ZNF471: variants seen among roughly 807,000 people sequenced by gnomAD.
ZNF471 encodes the protein EZFIT-related protein 1.
In ZNF471, 7 loss-of-function variants were observed where a neutral mutation model predicts 13.7. The observed-to-expected ratio is 0.51, with a 90% CI of 0.29 to 0.96. The LOEUF is 0.96. ZNF471 is among the 40% of genes least tolerant of loss of function. The pLI, the probability that ZNF471 is intolerant of heterozygous loss-of-function variation, is 0.08. For missense variants in ZNF471, 663 were observed against 743.3 expected (o/e 0.89, Z 1.26); for synonymous variants, 218 against 235.6 (o/e 0.93, Z 0.68).
chr19:56,526,207 C>CA lies in ZNF471; in HGVS notation c.*260dup. 1 of 375,472 alleles carries CA rather than the reference C, an allele frequency of 2.7e-6. No homozygotes were observed. Among genetic ancestry groups the CA allele is most frequent in the Non-Finnish European group, 4.7e-6 (1 of 210,742 alleles). The allele number at this position is 375,472 out of a possible 1,614,324, so 23.3% of individuals were successfully genotyped here. ...GACTGGTTAGACAGTGGGTGCAGCC[C>CA]ACGGAGGGTGAGCTGAAGCAGGGTG... On this transcript the variant is annotated 3_prime_UTR_variant, in exon 5 of 5. Coordinates refer to ENST00000308031, the MANE Select transcript of ZNF471 (RefSeq NM_020813.4).
Position 56,514,551 on chromosome 19 carries a change from G to A in ZNF471, c.34-1724G>A, listed in dbSNP as rs575403862. Among the ~76,000 whole-genome samples the A allele has an allele frequency of 5.9e-5, 9 of 152,276 alleles. No individual in the cohort carries two copies. The South Asian group carries it at 1.9e-3, about 32-fold the overall frequency. ...GGAATACTCAGTTATTTTGTAGAATGTCTCAAATCTGATGCTTTTTCATGA... is the reference window on the plus strand; with the variant it reads ...GGAATACTCAGTTATTTTGTAGAATATCTCAAATCTGATGCTTTTTCATGA... On this transcript the variant is annotated intron_variant, in intron 2 of 4. Transcript: ENST00000308031.
Position 56,509,240 on chromosome 19 carries a change from T to A in ZNF471, c.-56+1320T>A, listed in dbSNP as rs73068048. Among the ~76,000 whole-genome samples, 1,262 of 152,252 alleles carry A rather than the reference T, an allele frequency of 8.3e-3. 10 individuals are homozygous for A. Among genetic ancestry groups the A allele is most frequent in the South Asian group, 0.034 (162 of 4,822 alleles). ...TAAACTGATCATCAGTGGTCAGTGA[T>A]TTAACCAGTCATGCCTACATTATGA... On this transcript the variant is annotated intron_variant, in intron 1 of 4. Coordinates refer to ENST00000308031, the MANE Select transcript of ZNF471 (RefSeq NM_020813.4).
intron 4 of ZNF471, among the ~76,000 whole-genome samples, chr19:56,519,355 G>C (rs946812739): frequency 1.3e-5 from 2 of 152,130 alleles, no homozygotes; most frequent in African/African-American, 4.8e-5. Context: ...TCTACCCAGA[G>C]TGTTCCTCTC....
rs1308125085 is a variant in ZNF471 at position 56,508,118 on chromosome 19, CGGGGCGGCTT to C, written c.-56+207_-56+216del. ...CCGCGGCTCGGGGCTGCTGGGCGTTCGGGGCGGCTTGGGGCGGCGGGACCACTGGAGTGAG... is the reference window on the plus strand; with the variant it reads ...CCGCGGCTCGGGGCTGCTGGGCGTTCGGGGCGGCGGGACCACTGGAGTGAG... On this transcript the variant is annotated intron_variant, in intron 1 of 4. Transcript: ENST00000308031. This position sits in a 1 kb window ranked among gnomAD's most constrained non-coding sequence, Gnocchi z 4.7. The C allele has an allele frequency of 5.2e-5, 51 of 985,316 alleles. No homozygotes were observed. Among genetic ancestry groups the C allele is most frequent in the East Asian group, 1.1e-4 (1 of 8,802 alleles). 61.0% of individuals were successfully genotyped at this position (985,316 alleles called of 1,614,324 possible).
Position 56,524,270 on chromosome 19 carries a change from C to T in ZNF471, c.257-54C>T, listed in dbSNP as rs2044012947. On this transcript the variant is annotated intron_variant, in intron 4 of 4. Coordinates refer to ENST00000308031, the MANE Select transcript of ZNF471 (RefSeq NM_020813.4). This position sits in a 1 kb window ranked among gnomAD's most constrained non-coding sequence, Gnocchi z 4.8. ...TAAATTACCTTTTTCACAATGTCTC[C>T]TTTGTTGTAGCCCATGATAAAGGGA... is the stretch of plus-strand genomic sequence containing the variant. The T allele has an allele frequency of 8.9e-6, 11 of 1,233,178 alleles. No homozygotes were observed. Among genetic ancestry groups the T allele is most frequent in the Non-Finnish European group, 1.2e-5 (11 of 896,322 alleles). 76.4% of individuals were successfully genotyped at this position (1,233,178 alleles called of 1,614,324 possible). A position where few individuals can be genotyped will look rare whatever the true frequency, so the allele number is the denominator to read the frequency against.
chr19:56,512,769 C>T (rs781675763), intron 2 of ZNF471, among the ~76,000 whole-genome samples: 2 of 152,002 alleles, frequency 1.3e-5, no homozygotes, highest in Admixed American at 6.6e-5. Context: ...GTGAAATTCC[C>T]CTCCTCACAT....
In ZNF471 at chr19:56,524,822, A is replaced by T. The variant is rs1568476241; in HGVS notation, c.755A>T (p.His252Leu). Residue 252 changes from histidine to leucine, a missense_variant, in exon 5 of 5, where the codon CAT becomes CTT. Physicochemically the swap from His to Leu is moderately conservative, Grantham distance 99 (BLOSUM62 -3). Coordinates refer to ENST00000308031, the MANE Select transcript of ZNF471 (RefSeq NM_020813.4). This position sits in a 1 kb window ranked among gnomAD's most constrained non-coding sequence, Gnocchi z 4.8. ...AFKQRQHLAQ[H>L]HRTHTGEKLF... ...AAGCAAAGGCAACACCTTGCTCAAC[A>T]TCACAGAACACATACTGGAGAGAAA... The T allele has an allele frequency of 6.2e-7, 1 of 1,612,862 alleles. No homozygotes were observed. The highest frequency in any genetic ancestry group is 8.5e-7 in the Non-Finnish European group (1 of 1,179,568).
At chr19:56,511,280 T>C (rs1427241300) in intron 1 of ZNF471, among the ~76,000 whole-genome samples, 2 of 151,764 alleles carry the variant, frequency 1.3e-5, no homozygotes, top group African/African-American at 4.8e-5. Context: ...ATCTAATCTA[T>C]GCAGAGTACC....
In ZNF471 at chr19:56,508,966, T is replaced by C. The variant is rs190146370; in HGVS notation, c.-56+1046T>C. 3.9e-4 allele frequency among the ~76,000 whole-genome samples: 60 copies of C among 152,304 alleles called. 1 individual carries two copies. The Middle Eastern group carries it at 0.014, about 35-fold the overall frequency. On this transcript the variant is annotated intron_variant, in intron 1 of 4. Coordinates refer to ENST00000308031, the MANE Select transcript of ZNF471 (RefSeq NM_020813.4). The surrounding 1 kb of genome is among the most constrained non-coding windows in gnomAD (Gnocchi z 4.7). ...AGAGTGAGACTAGGTTATGTTGTTATGAGTTTGTGAGAGAGAGGGAGGCGA... is the reference window on the plus strand; with the variant it reads ...AGAGTGAGACTAGGTTATGTTGTTACGAGTTTGTGAGAGAGAGGGAGGCGA...
Position 56,524,287 on chromosome 19 carries a change from A to G in ZNF471, c.257-37A>G. The G allele has an allele frequency of 7.2e-7, 1 of 1,396,654 alleles. No homozygotes were observed. Among genetic ancestry groups the G allele is most frequent in the Middle Eastern group, 1.9e-4 (1 of 5,386 alleles). 86.5% of individuals were successfully genotyped at this position (1,396,654 alleles called of 1,614,324 possible). On this transcript the variant is annotated intron_variant, in intron 4 of 4. Coordinates refer to ENST00000308031, the MANE Select transcript of ZNF471 (RefSeq NM_020813.4). This position sits in a 1 kb window ranked among gnomAD's most constrained non-coding sequence, Gnocchi z 4.8. ...AATGTCTCCTTTGTTGTAGCCCATG[A>G]TAAAGGGAACATTCACTTTTTTTTA...
At chr19:56,519,198 G>A (rs2043935514) in intron 4 of ZNF471, among the ~76,000 whole-genome samples, 1 of 152,122 alleles carries the variant, frequency 6.6e-6, no homozygotes, top group Non-Finnish European at 1.5e-5. Flanking sequence ...GGCTCCAGAG[G>A]TAATTCCAAA....
In ZNF471 at chr19:56,516,258, T is replaced by C. The variant is rs1186184824; in HGVS notation, c.34-17T>C. On this transcript the variant is annotated splice_polypyrimidine_tract_variant and intron_variant, in intron 2 of 4. Transcript: ENST00000308031. This position sits in a 1 kb window ranked among gnomAD's most constrained non-coding sequence, Gnocchi z 4.4. ...GACACGAGCATTGGTTGGTTAAGAA[T>C]ATATTTGTCACTTCAGGACTTAGTG... 1 of 1,611,764 alleles carries C rather than the reference T, an allele frequency of 6.2e-7. No homozygotes were observed. The highest frequency in any genetic ancestry group is 8.5e-7 in the Non-Finnish European group (1 of 1,178,602).
At chr19:56,509,056 G>A (rs1027589119) in intron 1 of ZNF471, among the ~76,000 whole-genome samples, 8 of 152,198 alleles carry the variant, frequency 5.3e-5, no homozygotes, top group Non-Finnish European at 1.0e-4. Context: ...AATCTCCAAA[G>A]TATTAAGTGT....
chr19:56,510,066 G>A lies in ZNF471; in HGVS notation c.-55-1451G>A. 1.0e-6 allele frequency: 1 copy of A among 985,468 alleles called. No individual in the cohort carries two copies. The highest frequency in any genetic ancestry group is 1.2e-6 in the Non-Finnish European group (1 of 829,966). 61.0% of individuals were successfully genotyped at this position (985,468 alleles called of 1,614,324 possible). On this transcript the variant is annotated intron_variant, in intron 1 of 4. Transcript: ENST00000308031. The surrounding 1 kb of genome is among the most constrained non-coding windows in gnomAD (Gnocchi z 4.3). ...GGTGTGAGTGTGTGAGAGACCAATGGGTATGTGAGAGACTAGAGTATGTCT... is the reference window on the plus strand; with the variant it reads ...GGTGTGAGTGTGTGAGAGACCAATGAGTATGTGAGAGACTAGAGTATGTCT...
Position 56,526,203 on chromosome 19 carries a change from A to G in ZNF471, c.*255A>G. 2.6e-6 allele frequency: 1 copy of G among 384,752 alleles called. No homozygotes were observed. The highest frequency in any genetic ancestry group is 6.1e-5 in the South Asian group (1 of 16,336). 23.8% of individuals were successfully genotyped at this position (384,752 alleles called of 1,614,324 possible). ...TTGGGACTGGTTAGACAGTGGGTGC[A>G]GCCCACGGAGGGTGAGCTGAAGCAG... On this transcript the variant is annotated 3_prime_UTR_variant, in exon 5 of 5. Coordinates refer to ENST00000308031, the MANE Select transcript of ZNF471 (RefSeq NM_020813.4).
intron 1 of ZNF471, among the ~76,000 whole-genome samples, 154 bp from the exon 2 acceptor site, chr19:56,511,363 C>G (rs537368293): frequency 1.3e-5 from 2 of 150,964 alleles, no homozygotes; most frequent in East Asian, 3.9e-4. Flanking sequence ...AAAAAAAAAA[C>G]CGTTATGAGT....
rs1248881096 is a variant in ZNF471, at chr19:56,524,456, T to A, written c.389T>A (p.Leu130His). 3 of 1,613,752 alleles carry A rather than the reference T, an allele frequency of 1.9e-6. No homozygotes were observed. The highest frequency in any genetic ancestry group is 2.5e-6 in the Non-Finnish European group (3 of 1,179,922). ...GAAGAAAATTGGAAATGGGAAGACC[T>A]TTTTGAGAAGCAGATGGGAAGTCAT... ...TFEENWKWED[L>H]FEKQMGSHEM... Residue 130 changes from leucine to histidine, a missense_variant, in exon 5 of 5, where the codon CTT becomes CAT. Transcript: ENST00000308031. The surrounding 1 kb of genome is among the most constrained non-coding windows in gnomAD (Gnocchi z 4.8).
In ZNF471 at chr19:56,508,036, C is replaced by G; in HGVS notation, c.-56+116C>G. 5.1e-6 allele frequency: 5 copies of G among 985,666 alleles called. No individual in the cohort carries two copies. The highest frequency in any genetic ancestry group is 5.2e-4 in the Middle Eastern group (1 of 1,916). 61.1% of individuals were successfully genotyped at this position (985,666 alleles called of 1,614,324 possible). ...CCAGCCGCGTCCTCTGTCCCCAGGA[C>G]GACTACATTTCCCAGAGGCCAGCGG... On this transcript the variant is annotated intron_variant, in intron 1 of 4. Coordinates refer to ENST00000308031, the MANE Select transcript of ZNF471 (RefSeq NM_020813.4). This position sits in a 1 kb window ranked among gnomAD's most constrained non-coding sequence, Gnocchi z 4.7.
chr19:56,509,789 T>G (rs2043786702), intron 1 of ZNF471: 1 of 901,142 alleles, frequency 1.1e-6, no homozygotes, highest in African/African-American at 1.8e-5. Flanking sequence ...AACTGTTTTG[T>G]GTTGTGTGAG....
Sources: allele counts gnomAD v4.1 joint callset (sites outside exome capture counted in the v4.1 genomes callset), GRCh38; gene constraint gnomAD v4.1.1; non-coding constraint Gnocchi (gnomAD v3.1); transcripts MANE v1.5; gene names NCBI Gene and HGNC (gene_info 2026-07-23, HGNC 2026-07-21).